The following FAM8A1 variants were observed in gnomAD, a reference collection of about 807,000 sequenced individuals.
FAM8A1 encodes the protein protein FAM8A1.
In FAM8A1, 18 loss-of-function variants were observed where a neutral mutation model predicts 38.3. That is an observed-to-expected ratio of 0.47 (90% CI 0.33 to 0.70). The LOEUF (loss-of-function observed/expected upper bound fraction) is 0.70. FAM8A1 is among the 30% of genes least tolerant of loss of function. FAM8A1 has a pLI of 0.03. For missense variants in FAM8A1, 559 were observed against 559.6 expected, an observed-to-expected ratio of 1.00 and a Z score of 0.01; for synonymous variants, 246 against 234.4, an observed-to-expected ratio of 1.05 and a Z score of -0.45.
rs1561842930 is a variant in FAM8A1, at chr6:17,610,552, C to CAA, written c.*2216_*2217dup. The CAA allele has an allele frequency of 6.6e-6, 1 of 151,882 alleles. No individual in the cohort carries two copies. Among genetic ancestry groups the CAA allele is most frequent in the African/African-American group, 2.4e-5 (1 of 41,364 alleles). The allele number at this position is 151,882 out of a possible 1,614,324, so 9.4% of individuals were successfully genotyped here. On this transcript the variant is annotated 3_prime_UTR_variant, in exon 5 of 5. Transcript: ENST00000259963. ...ATTCCCAAAGTTTGGAAAAAAATGA[C>CAA]AAAACAACGAGGGAAGAAGGAACCA...
At position 17,611,248 on chromosome 6, in the gene FAM8A1, T is replaced by G. The variant is rs912093640; in HGVS notation, c.*2909T>G. Reference sequence around the variant, plus strand: ...GTGACAGTAAAAGGATTTGTTCCCTTCAGTGACTTGAGTGTTTTAGTTATG... The same window carrying G: ...GTGACAGTAAAAGGATTTGTTCCCTGCAGTGACTTGAGTGTTTTAGTTATG... On this transcript the variant is annotated 3_prime_UTR_variant, in exon 5 of 5. Coordinates refer to ENST00000259963, the MANE Select transcript of FAM8A1 (RefSeq NM_016255.3). The G allele has an allele frequency of 6.6e-6, 1 of 152,402 alleles. No individual in the cohort carries two copies. Among genetic ancestry groups the G allele is most frequent in the Non-Finnish European group, 1.5e-5 (1 of 68,014 alleles). 9.4% of individuals were successfully genotyped at this position (152,402 alleles called of 1,614,324 possible).
intron 1 of FAM8A1, among the ~76,000 whole-genome samples, chr6:17,601,339 T>C (rs761571800): frequency 3.9e-5 from 6 of 152,228 alleles, no homozygotes; most frequent in Non-Finnish European, 7.3e-5. Flanking sequence ...GCACTCCAAA[T>C]TGACTCCCTT....
In FAM8A1 at chr6:17,609,655, C is replaced by T. The variant is rs1764109599; in HGVS notation, c.*1316C>T. ...TCCCAGTTAGCTGTGCTGAGATATA[C>T]CTGTACTATTTATGGTTTAAGTTTT... On this transcript the variant is annotated 3_prime_UTR_variant, in exon 5 of 5. Coordinates refer to ENST00000259963, the MANE Select transcript of FAM8A1 (RefSeq NM_016255.3). The T allele has an allele frequency of 6.6e-6, 1 of 152,078 alleles. No individual in the cohort carries two copies. Among genetic ancestry groups the T allele is most frequent in the South Asian group, 2.1e-4 (1 of 4,820 alleles). The allele number at this position is 152,078 out of a possible 1,614,324, so 9.4% of individuals were successfully genotyped here. A position where few individuals can be genotyped will look rare whatever the true frequency, so the allele number is the denominator to read the frequency against.
rs1764097195 is a variant in FAM8A1, at chr6:17,608,952, T to G, written c.*613T>G. The G allele has an allele frequency of 1.3e-5, 2 of 152,196 alleles. No homozygotes were observed. Among genetic ancestry groups the G allele is most frequent in the Non-Finnish European group, 1.5e-5 (1 of 68,028 alleles). The allele number at this position is 152,196 out of a possible 1,614,324, so 9.4% of individuals were successfully genotyped here. On this transcript the variant is annotated 3_prime_UTR_variant, in exon 5 of 5. Coordinates refer to ENST00000259963, the MANE Select transcript of FAM8A1 (RefSeq NM_016255.3). ...AGTTCCCTCTCGTAATGATGTAACT[T>G]TACAACTATTCTTAATGCTTGAACA...
chr6:17,604,825 G>A lies in FAM8A1; in HGVS notation c.834-81G>A, dbSNP rs190484641. 228 of 1,062,816 alleles carry A rather than the reference G, an allele frequency of 2.1e-4. 1 individual carries two copies. The Middle Eastern group carries it at 8.0e-3, about 37-fold the overall frequency. 65.8% of individuals were successfully genotyped at this position (1,062,816 alleles called of 1,614,324 possible). The stretch of plus-strand genomic sequence containing the variant: ...GTTTAGAATTTCAATTAAAATGTAT[G>A]ACTTGCACTAATGAAAAAAAAGTCA... On this transcript the variant is annotated intron_variant, in intron 2 of 4. Transcript: ENST00000259963.
Position 17,608,276 on chromosome 6 carries a change from T to C in FAM8A1, c.1179T>C (p.His393=), listed in dbSNP as rs760188032. 127 of 1,613,582 alleles carry C rather than the reference T, an allele frequency of 7.9e-5. No individual in the cohort carries two copies. Among genetic ancestry groups the C allele is most frequent in the Non-Finnish European group, 1.0e-4 (122 of 1,179,832 alleles). The change falls in exon 5 of 5, where the codon CAT becomes CAC. Residue 393 remains histidine, a synonymous_variant. Transcript: ENST00000259963. ...TCATCACACTGCTGTTTTTTCAGCA[T>C]AATCGAACAGCTTATGACATTGTAG... ...PAFITLLFFQ[H]NRTAYDIVAG...
chr6:17,601,736 A>G (rs1348000461), intron 1 of FAM8A1, among the ~76,000 whole-genome samples: 1 of 152,204 alleles, frequency 6.6e-6, no homozygotes, highest in African/African-American at 2.4e-5. Flanking sequence ...TTAGTTAGCC[A>G]CAGATAGATG....
In FAM8A1 at chr6:17,600,599, G is replaced by A. The variant is rs1419674791; in HGVS notation, c.190G>A (p.Ala64Thr). ...CCCGGGCCTCGCGGCTGCCGCCGCA[G>A]CCGACAAATTGGAGCCGCCGCGCGA... Reference protein sequence around the residue: ...TAPGLAAAAAADKLEPPRELR... With the variant: ...TAPGLAAAAATDKLEPPRELR... Residue 64 changes from alanine (A) to threonine (T), a missense_variant, in exon 1 of 5, where the codon GCC becomes ACC. By Grantham distance (58) the Ala-to-Thr change is moderately conservative. Transcript: ENST00000259963. 3 of 1,493,950 alleles carry A rather than the reference G, an allele frequency of 2.0e-6. No individual in the cohort carries two copies. Among genetic ancestry groups the A allele is most frequent in the Non-Finnish European group, 2.7e-6 (3 of 1,126,650 alleles). 92.5% of individuals were successfully genotyped at this position (1,493,950 alleles called of 1,614,324 possible).
rs775580877 is a variant in FAM8A1, at chr6:17,601,035, T to A, written c.626T>A (p.Val209Glu). 5 of 1,591,966 alleles carry A rather than the reference T, an allele frequency of 3.1e-6. No homozygotes were observed. In the Admixed American group the frequency reaches 8.8e-5, roughly 28 times the overall value. The change falls in exon 1 of 5, where the codon GTG becomes GAG. Residue 209 changes from valine (V) to glutamate (E), a missense_variant. Around this residue, in one of 2 missense-constraint regions of FAM8A1, gnomAD observed 393 missense variants for 338.9 expected, o/e 1.16. Transcript: ENST00000259963. The stretch of plus-strand genomic sequence containing the variant: ...GGCCTGGGACCCCGGGCTCCTCACG[T>A]GCAGGCGTCGGTCCGGGCCACTCCA... The part of the protein sequence containing the change: ...VAGLGPRAPH[V>E]QASVRATPVT...
chr6:17,610,611 G>GT lies in FAM8A1; in HGVS notation c.*2273dup, dbSNP rs1474893341. 6.6e-6 allele frequency: 1 copy of GT among 152,110 alleles called. No individual in the cohort carries two copies. The highest frequency in any genetic ancestry group is 2.4e-5 in the African/African-American group (1 of 41,434). The allele number at this position is 152,110 out of a possible 1,614,324, so 9.4% of individuals were successfully genotyped here. ...TGCCACATATTTTTCTCTTGGGGTT[G>GT]TAAGGTAGTCTCCTGCTTTCCAGAA... On this transcript the variant is annotated 3_prime_UTR_variant, in exon 5 of 5. Transcript: ENST00000259963.
At chr6:17,607,268 AAAAAAC>A (rs1254426562) in intron 4 of FAM8A1, among the ~76,000 whole-genome samples, 1 of 148,336 alleles carries the variant, frequency 6.7e-6, no homozygotes, top group East Asian at 1.9e-4. Context: ...CAAAAAAAAA[AAAAAAC>A]AAAACAAAAC....
chr6:17,604,241 A>G (rs1048286793), intron 2 of FAM8A1, among the ~76,000 whole-genome samples: 1 of 152,108 alleles, frequency 6.6e-6, no homozygotes, highest in East Asian at 1.9e-4. Context: ...CCAGCAGGAT[A>G]AAGTCTGAAT....
chr6:17,600,930 C>A lies in FAM8A1; in HGVS notation c.521C>A (p.Pro174His), dbSNP rs766404259. 2 of 1,593,484 alleles carry A rather than the reference C, an allele frequency of 1.3e-6. No homozygotes were observed. The highest frequency in any genetic ancestry group is 3.5e-5 in the Admixed American group (2 of 57,224). ...CCCCCGCAGCTGGGCTATTACAACC[C>A]CTTCTACTTCCTGAGCCCCGGGGCC... ...PPPPQLGYYN[P>H]FYFLSPGAAG... Residue 174 changes from proline to histidine, a missense_variant, in exon 1 of 5, where the codon CCC (proline) becomes CAC (histidine). Physicochemically the swap from Pro to His is moderately conservative, Grantham distance 77. Transcript: ENST00000259963.
intron 1 of FAM8A1, among the ~76,000 whole-genome samples, 176 bp downstream of exon 1, chr6:17,601,297 A>G (rs979711770): frequency 6.6e-6 from 1 of 152,198 alleles, no homozygotes; most frequent in African/African-American, 2.4e-5. Context: ...ATGTACAAGG[A>G]GGCAATACAG....
rs1581638590 is a variant in FAM8A1 at position 17,600,659 on chromosome 6, G to A, written c.250G>A (p.Gly84Ser). 2.6e-6 allele frequency: 4 copies of A among 1,563,818 alleles called. No homozygotes were observed. Among genetic ancestry groups the A allele is most frequent in the African/African-American group, 2.8e-5 (2 of 70,186 alleles). The part of the protein sequence containing the change: ...RKRGEAASGS[G>S]AELQEQAGCE... ...GCGCGGGGAGGCGGCCTCCGGCTCC[G>A]GTGCAGAGCTGCAGGAGCAGGCGGG... The change falls in exon 1 of 5, where the codon GGT (glycine) becomes AGT (serine). Residue 84 changes from glycine to serine, a missense_variant. Physicochemically the swap from Gly to Ser is moderately conservative, Grantham distance 56. This residue lies in a region of FAM8A1 where 393 missense variants were observed against 338.9 expected (regional missense o/e 1.16). Coordinates refer to ENST00000259963, the MANE Select transcript of FAM8A1 (RefSeq NM_016255.3).
At position 17,600,566 on chromosome 6, in the gene FAM8A1, C is replaced by T; in HGVS notation, c.157C>T (p.Pro53Ser). The part of the protein sequence containing the change: ...PQAEPQAPGR[P>S]TAPGLAAAAA... ...GGCCGAACCCCAGGCCCCGGGCCGG[C>T]CCACAGCCCCGGGCCTCGCGGCTGC... The change falls in exon 1 of 5, where the codon CCC becomes TCC. Residue 53 changes from proline to serine, a missense_variant. This residue lies in a region of FAM8A1 where 393 missense variants were observed against 338.9 expected (regional missense o/e 1.16). Transcript: ENST00000259963. 1.3e-6 allele frequency: 2 copies of T among 1,498,712 alleles called. No individual in the cohort carries two copies. The highest frequency in any genetic ancestry group is 1.8e-6 in the Non-Finnish European group (2 of 1,128,276). 92.8% of individuals were successfully genotyped at this position (1,498,712 alleles called of 1,614,324 possible).
Position 17,600,751 on chromosome 6 carries a change from C to T in FAM8A1, c.342C>T (p.Ser114=). The T allele has an allele frequency of 6.2e-7, 1 of 1,610,088 alleles. No individual in the cohort carries two copies. The highest frequency in any genetic ancestry group is 8.5e-7 in the Non-Finnish European group (1 of 1,179,400). Residue 114 remains serine (S), a synonymous_variant, in exon 1 of 5, where the codon TCC becomes TCT. Coordinates refer to ENST00000259963, the MANE Select transcript of FAM8A1 (RefSeq NM_016255.3). ...CTCGGCTGAGCGCCCGCGAGTACTC[C>T]CGGCAAGTGCACGAGTGGCTGTGGC... is the stretch of plus-strand genomic sequence containing the variant. The part of the protein sequence containing the change: ...RPARLSAREY[S]RQVHEWLWQS...
Position 17,604,900 on chromosome 6 carries a change from G to A in FAM8A1, c.834-6G>A, listed in dbSNP as rs758527456. 6.3e-7 allele frequency: 1 copy of A among 1,575,362 alleles called. No homozygotes were observed. Among genetic ancestry groups the A allele is most frequent in the Middle Eastern group, 1.7e-4 (1 of 5,920 alleles). Reference sequence around the variant, plus strand: ...ATTTATAACCCCAAACTATTATTTTGTGTAGGGATATCTCTAAGTTTGCTA... The same window carrying A: ...ATTTATAACCCCAAACTATTATTTTATGTAGGGATATCTCTAAGTTTGCTA... On this transcript the variant is annotated splice_region_variant and splice_polypyrimidine_tract_variant and intron_variant, in intron 2 of 4. Transcript: ENST00000259963.
chr6:17,605,832 A>G (rs751518790), intron 3 of FAM8A1, 42 bp from the exon 4 acceptor site: 2 of 1,465,294 alleles, frequency 1.4e-6, no homozygotes, highest in African/African-American at 1.4e-5. Context: ...TAAAATTGGT[A>G]TAGTTGAGCC....
Sources: gnomAD v4.1 joint callset for allele counts (sites outside exome capture counted in the v4.1 genomes callset) on GRCh38, gnomAD v4.1.1 for gene constraint, gnomAD v4.1.1 regional missense constraint, MANE v1.5 for transcripts, NCBI Gene and HGNC (gene_info 2026-07-23, HGNC 2026-07-21) for gene names.